Variants in CAST observed in about 807,000 individuals in gnomAD.
CAST encodes the protein MIR583 host.
CAST carries 76 observed loss-of-function variants against 119.6 expected under a neutral mutation model. The observed-to-expected ratio is 0.64, with a 90% CI of 0.53 to 0.77. The LOEUF (loss-of-function observed/expected upper bound fraction) is 0.77. Among genes scored for constraint, CAST ranks in the 30% least tolerant of loss-of-function variants. The probability of loss-of-function intolerance (pLI) is 0.00; values close to 1 mark genes in which losing one functional copy is unlikely to be tolerated. For synonymous variants in CAST, 319 were observed against 331.6 expected (o/e 0.96, Z 0.41); for missense variants, 953 against 946.5 (o/e 1.01, Z -0.09).
the CAST span, among the ~76,000 whole-genome samples, chr5:96,029,858 T>C: frequency 6.6e-6 from 1 of 152,140 alleles, no homozygotes; most frequent in Non-Finnish European, 1.5e-5. Context: ...CTGAACTAAG[T>C]ATTGCTTTAA....
At chr5:96,615,363 T>C (rs926028945) in intron 1 of CAST, among the ~76,000 whole-genome samples, 24 of 152,218 alleles carry the variant, frequency 1.6e-4, no homozygotes, top group African/African-American at 5.8e-4. Context: ...CAGGTCTCAC[T>C]TCCTCCTCTC....
intron 1 of CAST, among the ~76,000 whole-genome samples, chr5:96,541,315 A>C (rs987143899): frequency 7.1e-6 from 1 of 140,296 alleles, no homozygotes; most frequent in Non-Finnish European, 1.5e-5. Flanking sequence ...AACATACATC[A>C]ATGTGTTTGT....
the CAST span, among the ~76,000 whole-genome samples, chr5:96,108,644 A>G: frequency 6.4e-3 from 970 of 152,348 alleles, 11 homozygotes; most frequent in African/African-American, 0.022. Context: ...AGACAGGGAC[A>G]TTTAAGTCTG....
intron 1 of CAST, among the ~76,000 whole-genome samples, chr5:96,638,908 CGCA>C (rs1460408748): frequency 6.6e-6 from 1 of 152,142 alleles, no homozygotes; most frequent in Admixed American, 6.5e-5. Flanking sequence ...TTCTCTCTAC[CGCA>C]GCACCTAAGG....
rs761771345 is a variant in CAST, at chr5:96,727,531, G to A, written c.378+1G>A. The stretch of plus-strand genomic sequence containing the variant: ...TGAGAAGAAGTCACAGTCAACCAAG[G>A]TAAATAGTTTAAGTCTGTTAGTTAG... On this transcript the variant is annotated splice_donor_variant, in intron 6 of 31. Transcript: ENST00000675179. LOFTEE classifies it high-confidence loss of function. 4 of 1,557,030 alleles carry A rather than the reference G, an allele frequency of 2.6e-6. No homozygotes were observed. The highest frequency in any genetic ancestry group is 3.5e-6 in the Non-Finnish European group (4 of 1,142,268).
the CAST span, among the ~76,000 whole-genome samples, chr5:96,287,237 T>C: frequency 3.3e-5 from 5 of 152,120 alleles, no homozygotes; most frequent in South Asian, 6.2e-4. Context: ...AGGCACATTC[T>C]TCCCCCCTCC....
the CAST span, among the ~76,000 whole-genome samples, chr5:96,312,670 C>T: frequency 1.3e-5 from 2 of 152,030 alleles, no homozygotes; most frequent in Admixed American, 6.6e-5. Flanking sequence ...CTGGTGCAGA[C>T]ACAAACTAGT....
chr5:96,722,043 T>G (rs1385514060), intron 3 of CAST, among the ~76,000 whole-genome samples: 1 of 152,230 alleles, frequency 6.6e-6, no homozygotes, highest in African/African-American at 2.4e-5. Context: ...GTTTTGTCCT[T>G]CTATCTTATG....
chr5:96,425,924 A>G, the CAST span: 8 of 1,598,026 alleles, frequency 5.0e-6, no homozygotes, highest in Non-Finnish European at 6.9e-6. Flanking sequence ...TGTTCAGCCC[A>G]TATCACCTAC....
the CAST span, among the ~76,000 whole-genome samples, chr5:96,347,261 T>C: frequency 6.6e-6 from 1 of 152,206 alleles, no homozygotes; most frequent in Non-Finnish European, 1.5e-5. Context: ...CATTAATGCA[T>C]GATACACAGT....
chr5:96,651,872 A>G (rs1274696646), intron 1 of CAST, among the ~76,000 whole-genome samples: 2 of 152,124 alleles, frequency 1.3e-5, no homozygotes. Context: ...TTTTAATTTC[A>G]TTTACTCTCA....
At chr5:96,005,836 G>C in the CAST span, among the ~76,000 whole-genome samples, 289 of 152,032 alleles carry the variant, frequency 1.9e-3, 2 homozygotes, top group African/African-American at 6.7e-3. Context: ...AAATGAAAGA[G>C]TACAACGTAA....
chr5:96,315,826 A>G, the CAST span, among the ~76,000 whole-genome samples: 9 of 152,160 alleles, frequency 5.9e-5, no homozygotes, highest in Admixed American at 5.2e-4. Context: ...CCTCCATATA[A>G]GAAGTCCAGC....
intron 24 of CAST, among the ~76,000 whole-genome samples, chr5:96,759,495 AAG>A (rs1163149229): frequency 6.6e-6 from 1 of 152,030 alleles, no homozygotes; most frequent in African/African-American, 2.4e-5. Context: ...ATAGTAGAGA[AAG>A]AGAAAAAGAG....
chr5:96,291,984 G>C, the CAST span, among the ~76,000 whole-genome samples: 1 of 151,654 alleles, frequency 6.6e-6, no homozygotes, highest in African/African-American at 2.4e-5. Context: ...TAAGTTCTTA[G>C]GCATTTGAAA....
At chr5:96,253,613 G>T in the CAST span, among the ~76,000 whole-genome samples, 2 of 151,924 alleles carry the variant, frequency 1.3e-5, no homozygotes, top group African/African-American at 4.8e-5. Context: ...AATGAAGACT[G>T]TCTCATCTAG....
the CAST span, among the ~76,000 whole-genome samples, chr5:96,127,139 G>T: frequency 6.6e-6 from 1 of 152,030 alleles, no homozygotes; most frequent in African/African-American, 2.4e-5. Flanking sequence ...CAAGGTGAGC[G>T]TAATATATAG....
the CAST span, among the ~76,000 whole-genome samples, chr5:96,077,304 A>C: frequency 6.6e-6 from 1 of 152,136 alleles, no homozygotes; most frequent in African/African-American, 2.4e-5. Flanking sequence ...GGTTCTTGCT[A>C]TTTATTGACA....
intron 1 of CAST, among the ~76,000 whole-genome samples, chr5:96,553,338 A>G (rs1422580229): frequency 6.6e-6 from 1 of 152,262 alleles, no homozygotes; most frequent in Non-Finnish European, 1.5e-5. Flanking sequence ...AGATGCAGAA[A>G]AGGCCTTTGA....
Sources: gnomAD v4.1 joint callset for allele counts (sites outside exome capture counted in the v4.1 genomes callset) on GRCh38, gnomAD v4.1.1 for gene constraint, MANE v1.5 for transcripts, NCBI Gene and HGNC (gene_info 2026-07-23, HGNC 2026-07-21) for gene names.